Variants in DOCK3 observed in about 807,000 individuals in gnomAD.
DOCK3 encodes dedicator of cytokinesis 3.
In DOCK3, 60 loss-of-function variants were observed where a neutral mutation model predicts 265.6. The ratio of observed to expected loss-of-function variants is 0.23; its 90% CI spans 0.18 to 0.28. The LOEUF is 0.28. Among genes scored for constraint, DOCK3 ranks in the 10% least tolerant of loss-of-function variants. The probability of loss-of-function intolerance (pLI) is 1.00; values close to 1 mark genes in which losing one functional copy is unlikely to be tolerated. For synonymous variants in DOCK3, 881 were observed against 938.0 expected, an observed-to-expected ratio of 0.94 and a Z score of 1.11; for missense variants, 1,981 against 2,594.3, an observed-to-expected ratio of 0.76 and a Z score of 5.14.
intron 32 of DOCK3, among the ~76,000 whole-genome samples, chr3:51,327,720 C>T (rs1287248186): frequency 2.8e-5 from 4 of 141,212 alleles, no homozygotes; most frequent in African/African-American, 1.1e-4. Context: ...CACTCTGTTG[C>T]CCAGGCTGGA....
chr3:51,039,688 A>T (rs1440367706), intron 5 of DOCK3, among the ~76,000 whole-genome samples: 1 of 151,336 alleles, frequency 6.6e-6, no homozygotes, highest in Non-Finnish European at 1.5e-5. Context: ...GATTTGTAGC[A>T]ATTCCTTATA....
chr3:51,244,535 C>T (rs1407182171), intron 21 of DOCK3, among the ~76,000 whole-genome samples: 1 of 151,994 alleles, frequency 6.6e-6, no homozygotes, highest in African/African-American at 2.4e-5. Flanking sequence ...GATTTTGTGT[C>T]CTGCAACTTT....
chr3:51,207,955 T>C (rs967258063), intron 12 of DOCK3, among the ~76,000 whole-genome samples: 2 of 152,240 alleles, frequency 1.3e-5, no homozygotes, highest in Admixed American at 1.3e-4. Flanking sequence ...TCAAGGTGTC[T>C]GTACTAGGAT....
At chr3:50,880,185 T>A (rs1332614922) in intron 3 of DOCK3, among the ~76,000 whole-genome samples, 1 of 152,026 alleles carries the variant, frequency 6.6e-6, no homozygotes, top group Non-Finnish European at 1.5e-5. Flanking sequence ...AGCAGGAAAG[T>A]TCTAAAAGTG....
At chr3:50,748,075 G>T (rs530427874) in intron 1 of DOCK3, among the ~76,000 whole-genome samples, 1 of 152,166 alleles carries the variant, frequency 6.6e-6, no homozygotes, top group South Asian at 2.1e-4. Context: ...TTTTCAATTT[G>T]TATGCCTTTT....
intron 5 of DOCK3, among the ~76,000 whole-genome samples, chr3:51,052,024 C>A (rs765357985): frequency 1.3e-5 from 2 of 152,158 alleles, no homozygotes; most frequent in Non-Finnish European, 2.9e-5. Flanking sequence ...TGCATCTCAA[C>A]ATGAGATTTG....
At chr3:51,043,804 G>A (rs557870707) in intron 5 of DOCK3, among the ~76,000 whole-genome samples, 2 of 151,898 alleles carry the variant, frequency 1.3e-5, no homozygotes, top group South Asian at 2.1e-4. Flanking sequence ...ATATACATGC[G>A]GCCAACAATC....
At chr3:50,776,315 T>A (rs2041596144) in intron 1 of DOCK3, among the ~76,000 whole-genome samples, 1 of 152,312 alleles carries the variant, frequency 6.6e-6, no homozygotes, top group South Asian at 2.1e-4. Context: ...TGGTTTTAAT[T>A]TGCATTTCCC....
intron 4 of DOCK3, among the ~76,000 whole-genome samples, chr3:50,923,404 G>C (rs1208400603): frequency 6.6e-6 from 1 of 152,008 alleles, no homozygotes; most frequent in African/African-American, 2.4e-5. Flanking sequence ...GAATATTATG[G>C]AATTCCCTCT....
intron 5 of DOCK3, among the ~76,000 whole-genome samples, chr3:51,028,975 C>T (rs1437010890): frequency 6.6e-6 from 1 of 152,182 alleles, no homozygotes; most frequent in Non-Finnish European, 1.5e-5. Context: ...GGTGAAGAAA[C>T]ACTGGCTTTT....
chr3:50,944,009 A>T (rs1418871547), intron 5 of DOCK3, among the ~76,000 whole-genome samples: 1 of 152,188 alleles, frequency 6.6e-6, no homozygotes, highest in Non-Finnish European at 1.5e-5. Flanking sequence ...TCTGTTTTTG[A>T]TATGAATTAT....
chr3:51,167,204 T>TGAAAG (rs1349277558), intron 12 of DOCK3, among the ~76,000 whole-genome samples: 1 of 152,232 alleles, frequency 6.6e-6, no homozygotes, highest in Non-Finnish European at 1.5e-5. Flanking sequence ...CATCACTTAT[T>TGAAAG]GAAAACTGTC....
intron 27 of DOCK3, among the ~76,000 whole-genome samples, chr3:51,303,776 T>C (rs1242627257): frequency 1.3e-5 from 2 of 152,220 alleles, no homozygotes; most frequent in African/African-American, 2.4e-5. Context: ...CAAAGATAGC[T>C]GCCTGCTTCT....
intron 1 of DOCK3, among the ~76,000 whole-genome samples, chr3:50,698,582 A>AT (rs1322679937): frequency 9.6e-4 from 108 of 113,072 alleles, no homozygotes; most frequent in African/African-American, 3.4e-3. Flanking sequence ...TCATATGGTA[A>AT]TTTTTTAATT....
At chr3:51,338,722 T>A (rs2085031300) in intron 36 of DOCK3, among the ~76,000 whole-genome samples, 1 of 142,684 alleles carries the variant, frequency 7.0e-6, no homozygotes, top group African/African-American at 3.1e-5. Flanking sequence ...ATGCTTTTCC[T>A]CTTAACACTA....
At chr3:51,143,027 C>T (rs1369558037) in intron 9 of DOCK3, among the ~76,000 whole-genome samples, 1 of 152,004 alleles carries the variant, frequency 6.6e-6, no homozygotes, top group African/African-American at 2.4e-5. Flanking sequence ...GCTAGGATTA[C>T]AGGCACAGGC....
chr3:50,680,420 G>A (rs1027436505), intron 1 of DOCK3, among the ~76,000 whole-genome samples: 9 of 150,500 alleles, frequency 6.0e-5, no homozygotes, highest in Non-Finnish European at 1.2e-4. Context: ...CACCATATTG[G>A]CCAGGCCGGT....
chr3:51,090,109 G>T (rs1465638593), intron 8 of DOCK3, 121 bp from the exon 9 acceptor site: 7 of 1,159,356 alleles, frequency 6.0e-6, no homozygotes, highest in Non-Finnish European at 7.1e-6. Flanking sequence ...AACATCTTCA[G>T]TTTCTCAAAT....
intron 1 of DOCK3, among the ~76,000 whole-genome samples, chr3:50,767,473 T>C (rs2040969978): frequency 6.6e-6 from 1 of 152,160 alleles, no homozygotes; most frequent in African/African-American, 2.4e-5. Context: ...GTTCCATTGG[T>C]CTATATCTCT....
Sources: gnomAD v4.1 joint callset for allele counts (sites outside exome capture counted in the v4.1 genomes callset) on GRCh38, gnomAD v4.1.1 for gene constraint, MANE v1.5 for transcripts, NCBI Gene and HGNC (gene_info 2026-07-23, HGNC 2026-07-21) for gene names.